Variants in SERGEF observed in about 807,000 individuals in gnomAD.
The protein encoded by SERGEF is secretion-regulating guanine nucleotide exchange factor.
A neutral mutation model predicts 50.0 loss-of-function variants in SERGEF; 51 were observed. That is an observed-to-expected ratio of 1.02 (90% CI 0.81 to 1.29). The LOEUF is 1.29. SERGEF is among the 50% of genes most tolerant of loss of function. SERGEF has a pLI of 0.00. For missense variants in SERGEF, 521 were observed against 557.0 expected, an observed-to-expected ratio of 0.94 and a Z score of 0.65; for synonymous variants, 205 against 212.4, an observed-to-expected ratio of 0.97 and a Z score of 0.30.
intron 10 of SERGEF, among the ~76,000 whole-genome samples, chr11:17,871,235 A>G (rs907613477): frequency 1.3e-5 from 2 of 152,086 alleles, no homozygotes; most frequent in African/African-American, 4.8e-5. Flanking sequence ...TAAAAGAGTA[A>G]GCCACACGAG....
chr11:17,869,643 A>G (rs1436545925), intron 10 of SERGEF, among the ~76,000 whole-genome samples: 2 of 151,748 alleles, frequency 1.3e-5, no homozygotes, highest in African/African-American at 4.8e-5. Context: ...TTGAGGGTAG[A>G]GCCCTCATGA....
At chr11:17,980,196 CT>C (rs1853467524) in intron 8 of SERGEF, among the ~76,000 whole-genome samples, 2 of 152,298 alleles carry the variant, frequency 1.3e-5, no homozygotes, top group Admixed American at 6.5e-5. Context: ...CTTAAAGGAC[CT>C]TTTGTGACCT....
intron 10 of SERGEF, among the ~76,000 whole-genome samples, chr11:17,852,297 G>A (rs1850728596): frequency 6.6e-6 from 1 of 152,210 alleles, no homozygotes; most frequent in South Asian, 2.1e-4. Flanking sequence ...CTTTCAAACA[G>A]AAATCCTTGC....
At chr11:17,953,948 C>T (rs191022587) in intron 9 of SERGEF, among the ~76,000 whole-genome samples, 177 of 152,354 alleles carry the variant, frequency 1.2e-3, no homozygotes, top group Admixed American at 2.8e-3. Flanking sequence ...TCAGCAGCTA[C>T]AGCACAGATG....
chr11:17,809,213 G>A (rs1463472227), intron 10 of SERGEF, among the ~76,000 whole-genome samples: 1 of 152,208 alleles, frequency 6.6e-6, no homozygotes, highest in African/African-American at 2.4e-5. Flanking sequence ...AGACCTAGCT[G>A]GGGGAAGGAG....
In SERGEF at chr11:17,937,401, G is replaced by C. The variant is rs190499685; in HGVS notation, c.1011+22069C>G. Among the ~76,000 whole-genome samples, 227 of 152,198 alleles carry C rather than the reference G, an allele frequency of 1.5e-3. 5 individuals carry two copies. Among genetic ancestry groups the C allele is most frequent in the Admixed American group, 0.014 (211 of 15,290 alleles). ...GAAATACAAAAAACAGCCAGGCGTG[G>C]TGGTGCGTGCCTATAGTCCCAGCTA... On this transcript the variant is annotated intron_variant, in intron 9 of 10. Coordinates refer to ENST00000265965, the MANE Select transcript of SERGEF (RefSeq NM_012139.4).
intron 9 of SERGEF, among the ~76,000 whole-genome samples, chr11:17,935,699 C>T (rs1852438226): frequency 6.6e-6 from 1 of 152,152 alleles, no homozygotes; most frequent in Non-Finnish European, 1.5e-5. Flanking sequence ...CATTCATTCA[C>T]TCATTCAGTA....
At chr11:17,936,624 A>G (rs1357100315) in intron 9 of SERGEF, among the ~76,000 whole-genome samples, 1 of 152,142 alleles carries the variant, frequency 6.6e-6, no homozygotes, top group South Asian at 2.1e-4. Flanking sequence ...CCTGCTCTCT[A>G]GGGCGTACAC....
chr11:17,968,215 T>C (rs1031634218), intron 8 of SERGEF, among the ~76,000 whole-genome samples: 2 of 152,222 alleles, frequency 1.3e-5, no homozygotes, highest in African/African-American at 4.8e-5. Flanking sequence ...TAGGTATTGC[T>C]GTTACCACCA....
At chr11:17,951,759 T>C (rs1289237097) in intron 9 of SERGEF, among the ~76,000 whole-genome samples, 1 of 152,204 alleles carries the variant, frequency 6.6e-6, no homozygotes, top group Non-Finnish European at 1.5e-5. Flanking sequence ...TGTTCTGCCA[T>C]GTACTGTGAC....
intron 9 of SERGEF, among the ~76,000 whole-genome samples, chr11:17,928,631 A>T (rs1444182172): frequency 6.6e-6 from 1 of 152,186 alleles, no homozygotes; most frequent in African/African-American, 2.4e-5. Flanking sequence ...ACCAATGAAA[A>T]AAAAACAATA....
chr11:17,804,224 C>G (rs1171700172), intron 10 of SERGEF, among the ~76,000 whole-genome samples: 4 of 152,218 alleles, frequency 2.6e-5, no homozygotes, highest in Non-Finnish European at 4.4e-5. Context: ...TCCCTCAGAG[C>G]TGTGACGCAC....
chr11:18,012,442 G>A, intron 1 of SERGEF: 2 of 1,012,250 alleles, frequency 2.0e-6, no homozygotes, highest in South Asian at 3.2e-5. Flanking sequence ...GGTCACAGCA[G>A]AGTGTCAGCA....
chr11:18,013,002 G>C lies in SERGEF; in HGVS notation c.9C>G (p.Arg3=). The C allele has an allele frequency of 2.1e-6, 3 of 1,429,782 alleles. No homozygotes were observed. The highest frequency in any genetic ancestry group is 3.0e-5 in the East Asian group (1 of 33,874). The allele number at this position is 1,429,782 out of a possible 1,614,324, so 88.6% of individuals were successfully genotyped here. The change falls in exon 1 of 11, where the codon CGC becomes CGG. Residue 3 remains arginine (R), a synonymous_variant. Coordinates refer to ENST00000265965, the MANE Select transcript of SERGEF (RefSeq NM_012139.4). This position sits in a 1 kb window ranked among gnomAD's most constrained non-coding sequence, Gnocchi z 4.3. ME[R]EPSASEAAPA... Reference sequence around the variant, plus strand: ...GGGCGGCCTCCGAGGCGCTGGGCTCGCGCTCCATGCGAGGACGCTCCGCCG... The same window carrying C: ...GGGCGGCCTCCGAGGCGCTGGGCTCCCGCTCCATGCGAGGACGCTCCGCCG...
chr11:17,808,773 A>C (rs1849812444), intron 10 of SERGEF, among the ~76,000 whole-genome samples: 1 of 152,214 alleles, frequency 6.6e-6, no homozygotes, highest in South Asian at 2.1e-4. Context: ...CTTCGTAGCT[A>C]GTATTCCCCA....
intron 10 of SERGEF, among the ~76,000 whole-genome samples, chr11:17,795,633 G>A (rs543777590): frequency 6.6e-6 from 1 of 152,316 alleles, no homozygotes; most frequent in African/African-American, 2.4e-5. Context: ...CAGGCTTGCT[G>A]TCGGCTCCCC....
At chr11:17,996,250 G>C (rs1180051077) in intron 5 of SERGEF, among the ~76,000 whole-genome samples, 3 of 152,074 alleles carry the variant, frequency 2.0e-5, no homozygotes, top group Admixed American at 6.6e-5. Flanking sequence ...CCCAGACAAA[G>C]CAGAAAAGAA....
chr11:17,992,380 T>C (rs1040258421), intron 7 of SERGEF, among the ~76,000 whole-genome samples: 28 of 152,150 alleles, frequency 1.8e-4, no homozygotes, highest in Non-Finnish European at 3.2e-4. Context: ...AAGATATAGA[T>C]GGATAAAACA....
At chr11:17,924,073 A>C (rs440234) in intron 9 of SERGEF, among the ~76,000 whole-genome samples, 133,271 of 152,238 alleles carry the variant, frequency 0.88, 58,651 homozygotes, top group African/African-American at 0.96. Flanking sequence ...GAGTGAACTT[A>C]TCTAAAGCCC....
Sources: gnomAD v4.1 joint callset for allele counts (sites outside exome capture counted in the v4.1 genomes callset) on GRCh38, gnomAD v4.1.1 for gene constraint, Gnocchi (gnomAD v3.1) non-coding constraint, MANE v1.5 for transcripts, NCBI Gene and HGNC (gene_info 2026-07-23, HGNC 2026-07-21) for gene names.